Variants in HTR1F observed in about 807,000 individuals in gnomAD.
The protein encoded by HTR1F is 5-hydroxytryptamine receptor 1F.
Under a neutral mutation model 24.0 loss-of-function variants are expected in HTR1F, and 17 were observed. The observed-to-expected ratio is 0.71, with a 90% CI of 0.48 to 1.06. HTR1F has a LOEUF of 1.06. Among genes scored for constraint, HTR1F ranks in the 50% least tolerant of loss-of-function variants. The probability of loss-of-function intolerance (pLI) is 0.00; values close to 1 mark genes in which losing one functional copy is unlikely to be tolerated. For missense variants in HTR1F, 391 were observed against 427.8 expected (o/e 0.91, Z 0.76); for synonymous variants, 186 against 156.8 (o/e 1.19, Z -1.39).
intron 2 of HTR1F, among the ~76,000 whole-genome samples, chr3:87,973,519 C>T (rs530182139): frequency 2.6e-5 from 4 of 152,226 alleles, no homozygotes; most frequent in African/African-American, 9.6e-5. Context: ...CTGCTATAAC[C>T]GTCTATGCAT....
At chr3:87,853,062 T>C (rs893677874) in intron 2 of HTR1F, among the ~76,000 whole-genome samples, 1 of 151,632 alleles carries the variant, frequency 6.6e-6, no homozygotes, top group African/African-American at 2.4e-5. Context: ...TAATATGTGC[T>C]TAGACTTCAG....
intron 2 of HTR1F, among the ~76,000 whole-genome samples, chr3:87,971,816 T>C (rs1705291749): frequency 6.6e-6 from 1 of 152,222 alleles, no homozygotes; most frequent in Non-Finnish European, 1.5e-5. Flanking sequence ...TTTTGGAAAT[T>C]CTTTCATATC....
chr3:87,889,957 C>T (rs1051656323), intron 2 of HTR1F, among the ~76,000 whole-genome samples: 2 of 152,116 alleles, frequency 1.3e-5, no homozygotes, highest in Admixed American at 6.5e-5. Flanking sequence ...CATAAAAATG[C>T]TTTGTAAATA....
intron 2 of HTR1F, among the ~76,000 whole-genome samples, chr3:87,881,177 A>T (rs1705787924): frequency 1.3e-5 from 2 of 152,206 alleles, no homozygotes; most frequent in Admixed American, 1.3e-4. Context: ...TTTCCTAGCT[A>T]AGGGAAGCCG....
At chr3:87,929,306 T>C (rs1704203318) in intron 2 of HTR1F, among the ~76,000 whole-genome samples, 1 of 152,178 alleles carries the variant, frequency 6.6e-6, no homozygotes, top group African/African-American at 2.4e-5. Context: ...GCAGAGCCTC[T>C]TTCCGTTGCT....
intron 2 of HTR1F, among the ~76,000 whole-genome samples, chr3:87,989,014 A>T (rs1167451694): frequency 6.6e-6 from 1 of 152,214 alleles, no homozygotes; most frequent in Non-Finnish European, 1.5e-5. Flanking sequence ...CTACGTTAAC[A>T]TTAATTTAAG....
At chr3:87,917,843 G>A (rs1703928927) in intron 2 of HTR1F, among the ~76,000 whole-genome samples, 1 of 151,918 alleles carries the variant, frequency 6.6e-6, no homozygotes, top group Admixed American at 6.6e-5. Flanking sequence ...GATAGAGAAA[G>A]ATGGAACCCC....
chr3:87,836,373 C>T, intron 2 of HTR1F, among the ~76,000 whole-genome samples: 1 of 152,032 alleles, frequency 6.6e-6, no homozygotes, highest in East Asian at 1.9e-4. Flanking sequence ...TGCTAAGAGT[C>T]ATATAATAAT....
intron 1 of HTR1F, among the ~76,000 whole-genome samples, chr3:87,803,698 G>A (rs9816019): frequency 0.13 from 19,790 of 152,096 alleles, 4,040 homozygotes; most frequent in African/African-American, 0.44. Context: ...GTCAGATCAG[G>A]TCTTCCAAAC....
chr3:87,921,348 G>A (rs1407932130), intron 2 of HTR1F, among the ~76,000 whole-genome samples: 2 of 151,824 alleles, frequency 1.3e-5, no homozygotes, highest in African/African-American at 4.8e-5. Flanking sequence ...AGCCACAAAA[G>A]CAAAATATTA....
rs576286553 is a variant in HTR1F, at chr3:87,854,706, A to C, written c.-43+32582A>C. Among the ~76,000 whole-genome samples the C allele has an allele frequency of 8.5e-5, 13 of 152,214 alleles. No homozygotes were observed. The South Asian group carries it at 1.9e-3, about 22-fold the overall frequency. On this transcript the variant is annotated intron_variant, in intron 2 of 2. Transcript: ENST00000319595. ...TCATTATTACTGATTATAGTCAGAA[A>C]ACATAAAAATTTATTTGCAACAGAT...
intron 2 of HTR1F, among the ~76,000 whole-genome samples, chr3:87,858,181 T>A (rs1705240174): frequency 6.6e-6 from 1 of 152,162 alleles, no homozygotes; most frequent in South Asian, 2.1e-4. Flanking sequence ...TGATAAATAC[T>A]CCCAATCTGT....
intron 2 of HTR1F, among the ~76,000 whole-genome samples, chr3:87,879,403 T>A (rs1321101935): frequency 1.3e-5 from 2 of 152,232 alleles, no homozygotes; most frequent in Non-Finnish European, 2.9e-5. Flanking sequence ...ACTTACAGGT[T>A]ATTAACCCAT....
At chr3:87,888,894 G>T (rs1277048864) in intron 2 of HTR1F, among the ~76,000 whole-genome samples, 1 of 152,186 alleles carries the variant, frequency 6.6e-6, no homozygotes, top group Non-Finnish European at 1.5e-5. Context: ...AACAGAAAGT[G>T]CTATAGTTTG....
At chr3:87,840,247 G>A (rs1171146026) in intron 2 of HTR1F, among the ~76,000 whole-genome samples, 2 of 151,942 alleles carry the variant, frequency 1.3e-5, no homozygotes, top group South Asian at 2.1e-4. Context: ...TATAGATCCT[G>A]GATATTAGAC....
At chr3:87,881,440 G>A (rs1428484375) in intron 2 of HTR1F, among the ~76,000 whole-genome samples, 1 of 152,154 alleles carries the variant, frequency 6.6e-6, no homozygotes, top group Non-Finnish European at 1.5e-5. Context: ...GCTCGAACCA[G>A]GCAGAGCCCA....
chr3:87,881,708 T>C lies in HTR1F; in HGVS notation c.-43+59584T>C, dbSNP rs570547393. Among the ~76,000 whole-genome samples the C allele has an allele frequency of 2.0e-3, 303 of 152,234 alleles. 1 individual carries two copies. The highest frequency in any genetic ancestry group is 3.4e-3 in the Non-Finnish European group (229 of 68,014). ...TCCTTACACCTTATACAAAAATCAATTCAAGATGGATTAAAGACTTAAACG... is the reference window on the plus strand; with the variant it reads ...TCCTTACACCTTATACAAAAATCAACTCAAGATGGATTAAAGACTTAAACG... On this transcript the variant is annotated intron_variant, in intron 2 of 2. Transcript: ENST00000319595.
chr3:87,963,522 C>T (rs553253756), intron 2 of HTR1F, among the ~76,000 whole-genome samples: 152 of 152,246 alleles, frequency 1.0e-3, no homozygotes, highest in African/African-American at 3.6e-3. Flanking sequence ...GAGCCATTTG[C>T]TGTGTATTGT....
chr3:87,944,260 A>C (rs1369671677), intron 2 of HTR1F, among the ~76,000 whole-genome samples: 3 of 152,200 alleles, frequency 2.0e-5, no homozygotes, highest in Admixed American at 6.5e-5. Flanking sequence ...ATCAAGATGC[A>C]TTCCCATAAG....
Sources: gnomAD v4.1 joint callset for allele counts (sites outside exome capture counted in the v4.1 genomes callset) on GRCh38, gnomAD v4.1.1 for gene constraint, MANE v1.5 for transcripts, NCBI Gene and HGNC (gene_info 2026-07-23, HGNC 2026-07-21) for gene names.